The following SOX5 variants were observed in gnomAD, a reference collection of about 807,000 sequenced individuals.
The protein encoded by SOX5 is SRY-box transcription factor 5.
A neutral mutation model predicts 92.0 loss-of-function variants in SOX5; 9 were observed. The ratio of observed to expected loss-of-function variants is 0.10; its 90% confidence interval spans 0.06 to 0.17. The LOEUF is 0.17. SOX5 is among the 10% of genes least tolerant of loss of function. SOX5 has a pLI of 1.00. For missense variants in SOX5, 642 were observed against 944.5 expected (o/e 0.68, Z 4.20); for synonymous variants, 344 against 336.3 (o/e 1.02, Z -0.25).
intron 4 of SOX5, among the ~76,000 whole-genome samples, chr12:24,060,939 A>T (rs549099243): frequency 6.6e-6 from 1 of 152,170 alleles, no homozygotes; most frequent in Non-Finnish European, 1.5e-5. Flanking sequence ...TGAAATTGCC[A>T]TTTATTTGAA....
chr12:24,251,170 A>G (rs1403974632), intron 3 of SOX5, among the ~76,000 whole-genome samples: 1 of 152,246 alleles, frequency 6.6e-6, no homozygotes, highest in Non-Finnish European at 1.5e-5. Context: ...GTACTTCTAC[A>G]TAAATACAGA....
intron 4 of SOX5, among the ~76,000 whole-genome samples, chr12:24,135,892 T>C (rs2138574585): frequency 6.6e-6 from 1 of 152,316 alleles, no homozygotes; most frequent in East Asian, 1.9e-4. Context: ...ACTGGGAAGT[T>C]AGCCTGAAAT....
At chr12:23,893,852 T>C (rs1050214290) in intron 2 of SOX5, among the ~76,000 whole-genome samples, 1 of 152,200 alleles carries the variant, frequency 6.6e-6, no homozygotes, top group Admixed American at 6.5e-5. Context: ...AGTTTCATCA[T>C]TGTACATAAC....
At chr12:23,980,898 C>G (rs1373377410) in intron 4 of SOX5, among the ~76,000 whole-genome samples, 1 of 152,156 alleles carries the variant, frequency 6.6e-6, no homozygotes, top group Non-Finnish European at 1.5e-5. Context: ...TTCTGCGTCC[C>G]CAGCATGTAA....
chr12:24,469,857 A>C (rs1944615937), intron 1 of SOX5, among the ~76,000 whole-genome samples: 1 of 152,192 alleles, frequency 6.6e-6, no homozygotes, highest in Admixed American at 6.5e-5. Flanking sequence ...CTTGTTTGAT[A>C]ATTTGTCTCA....
At chr12:24,236,013 C>A (rs935978910) in intron 3 of SOX5, among the ~76,000 whole-genome samples, 25 of 151,940 alleles carry the variant, frequency 1.6e-4, no homozygotes, top group Non-Finnish European at 2.6e-4. Flanking sequence ...CATGGTAAAA[C>A]CCCACCTCTA....
chr12:24,318,764 C>T (rs1202064795), intron 2 of SOX5, among the ~76,000 whole-genome samples: 1 of 152,152 alleles, frequency 6.6e-6, no homozygotes, highest in African/African-American at 2.4e-5. Flanking sequence ...TTATCATTAG[C>T]ATTACCCAGA....
intron 2 of SOX5, among the ~76,000 whole-genome samples, chr12:24,317,270 A>T (rs1300325776): frequency 6.6e-6 from 1 of 152,240 alleles, no homozygotes; most frequent in Admixed American, 6.5e-5. Context: ...AGATTCAGTT[A>T]TCTGAAATAT....
At chr12:24,042,535 G>A (rs577487969) in intron 4 of SOX5, among the ~76,000 whole-genome samples, 1 of 152,062 alleles carries the variant, frequency 6.6e-6, no homozygotes, top group Non-Finnish European at 1.5e-5. Context: ...AGTTTCTCTA[G>A]ATAATGCAAT....
chr12:24,306,082 G>A (rs1948530756), intron 2 of SOX5, among the ~76,000 whole-genome samples: 1 of 152,154 alleles, frequency 6.6e-6, no homozygotes, highest in African/African-American at 2.4e-5. Context: ...TGCAAATTGT[G>A]TATCACTCTC....
At chr12:23,703,540 G>T (rs893377755) in intron 6 of SOX5, among the ~76,000 whole-genome samples, 1 of 151,902 alleles carries the variant, frequency 6.6e-6, no homozygotes, top group African/African-American at 2.4e-5. Flanking sequence ...GACAGAGAAT[G>T]AAATAAGGTA....
rs988154064 is a variant in SOX5, at chr12:24,495,258, A to G, written c.-251+67071T>C. 4.3e-4 allele frequency among the ~76,000 whole-genome samples: 65 copies of G among 152,202 alleles called. 1 individual carries two copies. Among genetic ancestry groups the G allele is most frequent in the African/African-American group, 1.4e-3 (56 of 41,462 alleles). On this transcript the variant is annotated intron_variant, in intron 1 of 4. Coordinates refer to the SOX5 transcript ENST00000446891. ...TTATGGCCCCTGCAGCACAGTATGG[A>G]CCAAATATAAGTAAGATATGGATCC...
intron 2 of SOX5, among the ~76,000 whole-genome samples, chr12:23,883,175 C>T (rs558399320): frequency 4.5e-4 from 66 of 146,592 alleles, no homozygotes; most frequent in African/African-American, 1.6e-3. Context: ...TGCGAGACTC[C>T]ATCTCAAAAA....
chr12:23,998,047 A>T (rs148924724), intron 4 of SOX5, among the ~76,000 whole-genome samples: 11 of 152,260 alleles, frequency 7.2e-5, no homozygotes, highest in African/African-American at 2.6e-4. Flanking sequence ...AAACATGTAA[A>T]GAAATAGGAA....
chr12:23,855,164 A>G (rs2096673392), intron 2 of SOX5, among the ~76,000 whole-genome samples: 1 of 152,078 alleles, frequency 6.6e-6, no homozygotes, highest in Admixed American at 6.6e-5. Flanking sequence ...TGCCTATACA[A>G]GCAGTTTTTA....
chr12:23,554,247 G>T (rs924665753), intron 11 of SOX5, among the ~76,000 whole-genome samples: 1 of 151,962 alleles, frequency 6.6e-6, no homozygotes, highest in Non-Finnish European at 1.5e-5. Context: ...GGTTTGGTGC[G>T]CAGTGAAGAC....
At chr12:23,755,826 C>T (rs2094350534) in intron 3 of SOX5, 102 bp from the exon 4 acceptor site, 1 of 678,366 alleles carries the variant, frequency 1.5e-6, no homozygotes. Flanking sequence ...CCTATCCCAG[C>T]CCCACTTCAT....
intron 4 of SOX5, among the ~76,000 whole-genome samples, chr12:24,010,560 A>G (rs767599162): frequency 6.6e-6 from 1 of 152,204 alleles, no homozygotes; most frequent in African/African-American, 2.4e-5. Flanking sequence ...CAAGGAAGAA[A>G]GATAATTTAC....
At chr12:23,706,779 G>A (rs1303385149) in intron 6 of SOX5, among the ~76,000 whole-genome samples, 3 of 151,680 alleles carry the variant, frequency 2.0e-5, no homozygotes, top group Non-Finnish European at 2.9e-5. Context: ...TTGACATAAA[G>A]TGTTATAGTG....
Sources: allele counts gnomAD v4.1 joint callset (sites outside exome capture counted in the v4.1 genomes callset), GRCh38; gene constraint gnomAD v4.1.1; transcripts MANE v1.5; gene names NCBI Gene and HGNC (gene_info 2026-07-23, HGNC 2026-07-21).